GRIK3: variants seen among roughly 807,000 people sequenced by gnomAD.
The protein encoded by GRIK3 is glutamate ionotropic receptor kainate type subunit 3.
Under a neutral mutation model 102.5 loss-of-function variants are expected in GRIK3, and 29 were observed. The observed-to-expected ratio is 0.28, with a 90% CI of 0.21 to 0.39. GRIK3 has a LOEUF of 0.39. GRIK3 is among the 10% of genes least tolerant of loss of function. The probability of loss-of-function intolerance (pLI) is 1.00; values close to 1 mark genes in which losing one functional copy is unlikely to be tolerated. For synonymous variants in GRIK3, 511 were observed against 504.9 expected (o/e 1.01, Z -0.16); for missense variants, 908 against 1,252.4 (o/e 0.73, Z 4.15).
Position 37,034,217 on chromosome 1 carries a change from G to A in GRIK3, c.-109C>T. 9.2e-6 allele frequency: 2 copies of A among 216,488 alleles called. No homozygotes were observed. Among genetic ancestry groups the A allele is most frequent in the Admixed American group, 6.1e-5 (1 of 16,326 alleles). The allele number at this position is 216,488 out of a possible 1,614,324, so 13.4% of individuals were successfully genotyped here. On this transcript the variant is annotated 5_prime_UTR_variant, in exon 1 of 16. Coordinates refer to ENST00000373091, the MANE Select transcript of GRIK3 (RefSeq NM_000831.4). Reference sequence around the variant, plus strand: ...CCCGAAGGCGCCGCCTGGCCCAGCCGCCCGGCTCCCGAGCGCCGCTGCAAG... The same window carrying A: ...CCCGAAGGCGCCGCCTGGCCCAGCCACCCGGCTCCCGAGCGCCGCTGCAAG...
chr1:36,907,560 C>A (rs140316679), intron 1 of GRIK3, among the ~76,000 whole-genome samples: 10 of 152,224 alleles, frequency 6.6e-5, no homozygotes, highest in African/African-American at 2.2e-4. Flanking sequence ...CAGAGTGAGT[C>A]AGGGCAGAGA....
At position 37,034,110 on chromosome 1, in the gene GRIK3, G is replaced by T. The variant is rs777339429; in HGVS notation, c.-2C>A. ...GAGGCGCCGCCAGGGAGCGGTCATC[G>T]TTGGGCGCCGCCGAGCGTGCCCGGG... On this transcript the variant is annotated 5_prime_UTR_variant, in exon 1 of 16. Coordinates refer to ENST00000373091, the MANE Select transcript of GRIK3 (RefSeq NM_000831.4). 1 of 1,528,902 alleles carries T rather than the reference G, an allele frequency of 6.5e-7. No homozygotes were observed. The highest frequency in any genetic ancestry group is 1.4e-5 in the African/African-American group (1 of 70,360). The allele number at this position is 1,528,902 out of a possible 1,614,324, so 94.7% of individuals were successfully genotyped here. A position where few individuals can be genotyped will look rare whatever the true frequency, so the allele number is the denominator to read the frequency against.
intron 15 of GRIK3, among the ~76,000 whole-genome samples, chr1:36,802,877 C>T (rs1011702059): frequency 1.3e-5 from 2 of 152,238 alleles, no homozygotes; most frequent in African/African-American, 4.8e-5. Context: ...GCTTCCCTTT[C>T]CTCACCTACT....
chr1:36,803,913 A>G (rs115852732), intron 15 of GRIK3, among the ~76,000 whole-genome samples: 1,581 of 152,352 alleles, frequency 0.01, 29 homozygotes, highest in African/African-American at 0.036. Context: ...AAATAAAACC[A>G]TGTCTATCTT....
rs1243378495 is a variant in GRIK3 at position 36,880,933 on chromosome 1, C to A, written c.293-42G>T. ...GGCAGCACAGGGGTCAGCACTGGGG[C>A]TGTGGGTATGGGGACAGTGATGCTG... is the stretch of plus-strand genomic sequence containing the variant. On this transcript the variant is annotated intron_variant, in intron 2 of 15. Coordinates refer to ENST00000373091, the MANE Select transcript of GRIK3 (RefSeq NM_000831.4). This position sits in a 1 kb window ranked among gnomAD's most constrained non-coding sequence, Gnocchi z 5.4. The A allele has an allele frequency of 6.4e-7, 1 of 1,555,698 alleles. No homozygotes were observed. The highest frequency in any genetic ancestry group is 1.2e-5 in the South Asian group (1 of 85,896).
intron 1 of GRIK3, among the ~76,000 whole-genome samples, chr1:36,993,064 G>A (rs1389702715): frequency 6.6e-6 from 1 of 152,098 alleles, no homozygotes; most frequent in African/African-American, 2.4e-5. Flanking sequence ...ATTAGGGTGG[G>A]GGTAAAGGGG....
chr1:36,923,724 A>G (rs1641497833), intron 1 of GRIK3, among the ~76,000 whole-genome samples: 1 of 152,102 alleles, frequency 6.6e-6, no homozygotes, highest in Non-Finnish European at 1.5e-5. Context: ...CCTAGTGTTT[A>G]CCCTGTCCTT....
At chr1:36,857,870 T>C (rs1640671151) in intron 7 of GRIK3, among the ~76,000 whole-genome samples, 1 of 152,224 alleles carries the variant, frequency 6.6e-6, no homozygotes, top group African/African-American at 2.4e-5. Context: ...TGTGACCTGA[T>C]GCCTCCCTCT....
rs1642641187 is a variant in GRIK3, at chr1:36,817,124, A to T, written c.2027T>A (p.Leu676Gln). The change falls in exon 13 of 16, where the codon CTG (leucine) becomes CAG (glutamine). Residue 676 changes from leucine to glutamine, a missense_variant. Physicochemically the swap from Leu to Gln is moderately radical, Grantham distance 113 (BLOSUM62 -2). Coordinates refer to ENST00000373091, the MANE Select transcript of GRIK3 (RefSeq NM_000831.4). ...ATACTCGATTTTGGTTTGCTTGGCC[A>T]GGTCATCAGCAGAGTCAATGGGTGA... ...MESPIDSADD[L>Q]AKQTKIEYGA... 1 of 1,614,056 alleles carries T rather than the reference A, an allele frequency of 6.2e-7. No homozygotes were observed. The highest frequency in any genetic ancestry group is 8.5e-7 in the Non-Finnish European group (1 of 1,180,036).
intron 1 of GRIK3, among the ~76,000 whole-genome samples, chr1:36,908,936 A>G (rs1384192227): frequency 6.6e-6 from 1 of 152,210 alleles, no homozygotes; most frequent in Non-Finnish European, 1.5e-5. Flanking sequence ...CAACAACCAC[A>G]GCAGTAATAA....
At chr1:36,958,525 CTG>C (rs1641954408) in intron 1 of GRIK3, among the ~76,000 whole-genome samples, 1 of 146,828 alleles carries the variant, frequency 6.8e-6, no homozygotes. Context: ...CCCCATAAGC[CTG>C]TGTGTCCCGT....
At chr1:36,853,125 C>A (rs1222646736) in intron 8 of GRIK3, among the ~76,000 whole-genome samples, 3 of 152,210 alleles carry the variant, frequency 2.0e-5, no homozygotes, top group Non-Finnish European at 4.4e-5. Flanking sequence ...CACCTTCAGT[C>A]TCCCAGACAA....
chr1:36,954,466 C>T (rs1168520640), intron 1 of GRIK3, among the ~76,000 whole-genome samples: 1 of 152,178 alleles, frequency 6.6e-6, no homozygotes, highest in Non-Finnish European at 1.5e-5. Context: ...AGGAGGCCCC[C>T]GACCCTGAAG....
At chr1:37,012,575 C>T (rs780231965) in intron 1 of GRIK3, among the ~76,000 whole-genome samples, 2 of 152,202 alleles carry the variant, frequency 1.3e-5, no homozygotes, top group Non-Finnish European at 2.9e-5. Context: ...TTTACATTTA[C>T]TAAGCACCTA....
At chr1:36,843,311 C>T (rs1012538775) in intron 9 of GRIK3, among the ~76,000 whole-genome samples, 7 of 152,164 alleles carry the variant, frequency 4.6e-5, no homozygotes, top group Admixed American at 3.3e-4. Flanking sequence ...ATGATGGATG[C>T]GCTGAACTCC....
chr1:36,958,623 CTG>C (rs1641956643), intron 1 of GRIK3, among the ~76,000 whole-genome samples: 1 of 138,174 alleles, frequency 7.2e-6, no homozygotes, highest in African/African-American at 2.7e-5. Flanking sequence ...CCCTGTGAGC[CTG>C]TGTGCCCTGT....
chr1:36,994,704 T>C (rs141370118), intron 1 of GRIK3, among the ~76,000 whole-genome samples: 48 of 152,362 alleles, frequency 3.2e-4, no homozygotes, highest in African/African-American at 1.1e-3. Context: ...AGAGCCTTTA[T>C]TTTTAATAAT....
intron 15 of GRIK3, 51 bp from the exon 16 acceptor site, chr1:36,802,096 C>G (rs757094404): frequency 4.4e-6 from 6 of 1,352,940 alleles, no homozygotes; most frequent in Admixed American, 2.0e-5. Flanking sequence ...GAGTGATGCC[C>G]GGTCTTGCAA....
At chr1:36,825,928 G>C in intron 10 of GRIK3, 102 bp from the exon 11 acceptor site, 1 of 817,954 alleles carries the variant, frequency 1.2e-6, no homozygotes, top group Non-Finnish European at 1.9e-6. Flanking sequence ...GAAGTCAGTT[G>C]TCCCAGCCCC....
Sources: allele counts gnomAD v4.1 joint callset (sites outside exome capture counted in the v4.1 genomes callset), GRCh38; gene constraint gnomAD v4.1.1; non-coding constraint Gnocchi (gnomAD v3.1); transcripts MANE v1.5; gene names NCBI Gene and HGNC (gene_info 2026-07-23, HGNC 2026-07-21).